Variants in C21orf58 observed in about 807,000 individuals in gnomAD.
C21orf58 encodes the protein uncharacterized protein C21orf58.
A neutral mutation model predicts 35.8 loss-of-function variants in C21orf58; 34 were observed. The ratio of observed to expected loss-of-function variants is 0.95; its 90% CI spans 0.72 to 1.26. The LOEUF (loss-of-function observed/expected upper bound fraction) is 1.26. Ranked by LOEUF, C21orf58 falls within the 50% of genes most tolerant of loss-of-function variation. The probability of loss-of-function intolerance (pLI) is 0.00; values close to 1 mark genes in which losing one functional copy is unlikely to be tolerated. For synonymous variants in C21orf58, 191 were observed against 175.8 expected (o/e 1.09, Z -0.68); for missense variants, 440 against 414.3 (o/e 1.06, Z -0.54).
intron 6 of C21orf58, among the ~76,000 whole-genome samples, chr21:46,305,769 C>T (rs145696866): frequency 0.049 from 7,388 of 151,560 alleles, 262 homozygotes; most frequent in Non-Finnish European, 0.072. Flanking sequence ...GAAACCCCGT[C>T]TCTACTAAAA....
rs1033303871 is a variant in C21orf58 at position 46,302,165 on chromosome 21, C to T, written c.814-11G>A. ...CACATGTGGCGGGTCCTGCCACAGA[C>T]GCACCTGCTGCTTAGGACGCAGCCC... On this transcript the variant is annotated splice_polypyrimidine_tract_variant and intron_variant, in intron 7 of 7. Transcript: ENST00000291691. 2.7e-5 allele frequency: 40 copies of T among 1,468,372 alleles called. No individual in the cohort carries two copies. Among genetic ancestry groups the T allele is most frequent in the Admixed American group, 1.9e-4 (8 of 42,586 alleles). 91.0% of individuals were successfully genotyped at this position (1,468,372 alleles called of 1,614,324 possible).
At chr21:46,311,394 A>C (rs757453953) in intron 6 of C21orf58, 62 bp downstream of exon 6, 196 of 992,528 alleles carry the variant, frequency 2.0e-4, no homozygotes, top group Non-Finnish European at 2.7e-4. Flanking sequence ...GCTTCCAGGA[A>C]CATTTTCCCT....
In C21orf58 at chr21:46,301,267, G is replaced by C. The variant is rs2082097802; in HGVS notation, c.*732C>G. The C allele has an allele frequency of 3.8e-6, 1 of 261,328 alleles. No individual in the cohort carries two copies. Among genetic ancestry groups the C allele is most frequent in the African/African-American group, 2.3e-5 (1 of 43,324 alleles). 16.2% of individuals were successfully genotyped at this position (261,328 alleles called of 1,614,324 possible). On this transcript the variant is annotated 3_prime_UTR_variant, in exon 8 of 8. Coordinates refer to ENST00000291691, the MANE Select transcript of C21orf58 (RefSeq NM_058180.5). ...AGCAATCCTCCCACCTCAGCCCCCA[G>C]AGCTGCTGAGATAACAGGCGCATAT... is the stretch of plus-strand genomic sequence containing the variant.
chr21:46,321,168 A>G (rs1422289217), intron 1 of C21orf58, among the ~76,000 whole-genome samples: 1 of 151,984 alleles, frequency 6.6e-6, no homozygotes, highest in Non-Finnish European at 1.5e-5. Flanking sequence ...CATATGTTAT[A>G]TATATATATA....
chr21:46,319,454 C>T (rs908911037), intron 1 of C21orf58, among the ~76,000 whole-genome samples: 2 of 152,226 alleles, frequency 1.3e-5, no homozygotes, highest in African/African-American at 2.4e-5. Context: ...CATGAGCAGA[C>T]TCTGGCCCCA....
intron 6 of C21orf58, among the ~76,000 whole-genome samples, chr21:46,308,967 G>A (rs183851268): frequency 2.0e-5 from 3 of 152,176 alleles, no homozygotes; most frequent in East Asian, 3.9e-4. Flanking sequence ...ATGTGCCCCC[G>A]AACCTTGCAC....
rs532086428 is a variant in C21orf58, at chr21:46,318,976, G to A, written c.101-756C>T. ...GGGGCCCAGACCTGTGGACCCGAGG[G>A]GCAGAGGTCAGCACCCTCCTCGGTG... On this transcript the variant is annotated intron_variant, in intron 1 of 7. Transcript: ENST00000291691. 1.2e-4 allele frequency: 57 copies of A among 469,140 alleles called. No individual in the cohort carries two copies. The South Asian group carries it at 2.4e-3, about 20-fold the overall frequency. The allele number at this position is 469,140 out of a possible 1,614,324, so 29.1% of individuals were successfully genotyped here. A position where few individuals can be genotyped will look rare whatever the true frequency, so the allele number is the denominator to read the frequency against.
chr21:46,315,366 G>A, intron 4 of C21orf58, 108 bp downstream of exon 4: 2 of 748,142 alleles, frequency 2.7e-6, no homozygotes, highest in South Asian at 3.0e-5. Context: ...GGCCCTGAGA[G>A]TCTGGAAAGG....
At chr21:46,304,029 T>G (rs1226466673) in intron 6 of C21orf58, among the ~76,000 whole-genome samples, 10 of 111,110 alleles carry the variant, frequency 9.0e-5, no homozygotes, top group East Asian at 2.5e-4. Context: ...GGTTTTTTTT[T>G]TTTTTTTTTT....
intron 6 of C21orf58, among the ~76,000 whole-genome samples, chr21:46,303,249 G>C (rs764242344): frequency 1.9e-4 from 29 of 152,254 alleles, no homozygotes; most frequent in South Asian, 6.2e-4. Flanking sequence ...TGAGGCAGGA[G>C]GATCACTTGA....
chr21:46,310,981 C>T (rs1345807869), intron 6 of C21orf58, among the ~76,000 whole-genome samples: 2 of 151,886 alleles, frequency 1.3e-5, no homozygotes, highest in African/African-American at 4.8e-5. Context: ...AGCAATTTCT[C>T]CTGCCTCAGC....
At position 46,317,250 on chromosome 21, in the gene C21orf58, G is replaced by C; in HGVS notation, c.328C>G (p.Gln110Glu). 6.2e-7 allele frequency: 1 copy of C among 1,611,884 alleles called. No homozygotes were observed. Among genetic ancestry groups the C allele is most frequent in the Non-Finnish European group, 8.5e-7 (1 of 1,179,640 alleles). ...LLGQKLEQER[Q>E]NVEGGPEGLH... ...CCCTCAGGTCCCCCTTCCACGTTCTGCCGTTCTTGCTCCAGCTTCTGTGAG... is the reference window on the plus strand; with the variant it reads ...CCCTCAGGTCCCCCTTCCACGTTCTCCCGTTCTTGCTCCAGCTTCTGTGAG... The change falls in exon 3 of 8, where the codon CAG becomes GAG. Residue 110 changes from glutamine to glutamate, a missense_variant. Gln to Glu is a conservative substitution (Grantham distance 29). Transcript: ENST00000291691.
chr21:46,315,035 C>T (rs2082919423), intron 4 of C21orf58, 155 bp from the exon 5 acceptor site: 1 of 1,530,784 alleles, frequency 6.5e-7, no homozygotes, highest in Admixed American at 2.1e-5. Flanking sequence ...GGGTTATGTG[C>T]ATGAGGGTGG....
At position 46,323,383 on chromosome 21, in the gene C21orf58, A is replaced by G. The variant is rs1601719475; in HGVS notation, c.-645T>C. The G allele has an allele frequency of 6.9e-6, 1 of 145,822 alleles. No homozygotes were observed. Among genetic ancestry groups the G allele is most frequent in the African/African-American group, 2.5e-5 (1 of 40,252 alleles). The allele number at this position is 145,822 out of a possible 1,614,324, so 9.0% of individuals were successfully genotyped here. On this transcript the variant is annotated 5_prime_UTR_variant, in exon 1 of 8. Transcript: ENST00000291691. ...CCCATTTCTCTTCTGTCTACTAAAA[A>G]CCTTTTCTTTTCTTTTTTTTTTGAG...
intron 6 of C21orf58, among the ~76,000 whole-genome samples, chr21:46,308,431 A>C (rs1437099876): frequency 6.6e-6 from 1 of 152,026 alleles, no homozygotes; most frequent in Non-Finnish European, 1.5e-5. Flanking sequence ...ACTGCACTCC[A>C]GCCTGGGCAA....
rs906009428 is a variant in C21orf58 at position 46,322,839 on chromosome 21, T to G, written c.-101A>C. 1.4e-5 allele frequency: 11 copies of G among 780,954 alleles called. No individual in the cohort carries two copies. In the East Asian group the frequency reaches 3.5e-4, roughly 25 times the overall value. The allele number at this position is 780,954 out of a possible 1,614,324, so 48.4% of individuals were successfully genotyped here. On this transcript the variant is annotated 5_prime_UTR_variant, in exon 1 of 8. Coordinates refer to ENST00000291691, the MANE Select transcript of C21orf58 (RefSeq NM_058180.5). ...CCTGAGGGCGCGTTTAAGTTGCAGT[T>G]GCTGAGGAGGCTGCAAGGTGAGCTT...
At chr21:46,308,113 C>T (rs1208849780) in intron 6 of C21orf58, among the ~76,000 whole-genome samples, 1 of 151,970 alleles carries the variant, frequency 6.6e-6, no homozygotes, top group Non-Finnish European at 1.5e-5. Context: ...CCTACCTCAG[C>T]CTCCCGAGCA....
chr21:46,303,719 ATATATATATATATATATATATATATATT>A (rs1427612866), intron 6 of C21orf58, among the ~76,000 whole-genome samples: 2 of 19,176 alleles, frequency 1.0e-4, no homozygotes, highest in Non-Finnish European at 2.0e-4. Flanking sequence ...ATATATATAT[ATATATATATATATATATATATATATATT>A]TTTTTTTTTT....
intron 6 of C21orf58, among the ~76,000 whole-genome samples, chr21:46,303,733 ATATATATATATATTTTTTT>A (rs1243366881): frequency 0.011 from 364 of 32,218 alleles, 9 homozygotes; most frequent in African/African-American, 0.048. Context: ...ATATATATAT[ATATATATATATATTTTTTT>A]TTTTTTTTTT....
Sources: allele counts gnomAD v4.1 joint callset (sites outside exome capture counted in the v4.1 genomes callset), GRCh38; gene constraint gnomAD v4.1.1; transcripts MANE v1.5; gene names NCBI Gene and HGNC (gene_info 2026-07-23, HGNC 2026-07-21).